Variants in ZFAND4 observed in about 807,000 individuals in gnomAD.
ZFAND4 encodes the protein AN1-type zinc finger protein 4.
Under a neutral mutation model 64.4 loss-of-function variants are expected in ZFAND4, and 43 were observed. The ratio of observed to expected loss-of-function variants is 0.67; its 90% CI spans 0.52 to 0.86. The LOEUF is 0.86. ZFAND4 is among the 40% of genes least tolerant of loss of function. ZFAND4 has a pLI of 0.00. For synonymous variants in ZFAND4, 296 were observed against 305.7 expected (o/e 0.97, Z 0.33); for missense variants, 929 against 859.8 (o/e 1.08, Z -1.01).
chr10:45,638,161 G>A (rs1233625715), intron 6 of ZFAND4, among the ~76,000 whole-genome samples: 1 of 152,014 alleles, frequency 6.6e-6, no homozygotes, highest in African/African-American at 2.4e-5. Context: ...CTCTCACGTT[G>A]CTGGGAAGAA....
rs1044445971 is a variant in ZFAND4 at position 45,651,839 on chromosome 10, A to G, written c.328+127T>C. 9 of 816,778 alleles carry G rather than the reference A, an allele frequency of 1.1e-5. 1 individual carries two copies. In the Admixed American group the frequency reaches 2.1e-4, roughly 19 times the overall value. The allele number at this position is 816,778 out of a possible 1,614,324, so 50.6% of individuals were successfully genotyped here. A position where few individuals can be genotyped will look rare whatever the true frequency, so the allele number is the denominator to read the frequency against. Reference sequence around the variant, plus strand: ...AGGTTTTAAAGAACAATGCCTAGAGAATCAAATGTGATTTTTCTAAGACCT... The same window carrying G: ...AGGTTTTAAAGAACAATGCCTAGAGGATCAAATGTGATTTTTCTAAGACCT... On this transcript the variant is annotated intron_variant, in intron 4 of 9. Coordinates refer to ENST00000344646, the MANE Select transcript of ZFAND4 (RefSeq NM_174890.4).
Position 45,616,036 on chromosome 10 carries a change from A to G in ZFAND4, c.*400T>C, listed in dbSNP as rs191716996. 6.5e-6 allele frequency: 1 copy of G among 154,852 alleles called. No individual in the cohort carries two copies. The highest frequency in any genetic ancestry group is 1.9e-4 in the East Asian group (1 of 5,270). 9.6% of individuals were successfully genotyped at this position (154,852 alleles called of 1,614,324 possible). A position where few individuals can be genotyped will look rare whatever the true frequency, so the allele number is the denominator to read the frequency against. ...TAAAAGAAAGAAAAAGAAAAAACCC[A>G]TATGGTCAATCTGAGTAGAGCCATT... On this transcript the variant is annotated 3_prime_UTR_variant, in exon 10 of 10. Coordinates refer to ENST00000344646, the MANE Select transcript of ZFAND4 (RefSeq NM_174890.4).
At chr10:45,635,217 A>AAAAAAAAAAAAAAAAAAAAAAAAAG (rs2046502295) in intron 6 of ZFAND4, among the ~76,000 whole-genome samples, 1 of 140,636 alleles carries the variant, frequency 7.1e-6, no homozygotes, top group Non-Finnish European at 1.5e-5. Context: ...AAAAAAACAA[A>AAAAAAAAAAAAAAAAAAAAAAAAAG]AAAAAAACAA....
chr10:45,658,602 A>C (rs1349975050), intron 2 of ZFAND4, among the ~76,000 whole-genome samples: 1 of 152,248 alleles, frequency 6.6e-6, no homozygotes, highest in African/African-American at 2.4e-5. Flanking sequence ...GCAAATTAAG[A>C]ATGTGTATAA....
Position 45,633,745 on chromosome 10 carries a change from C to T in ZFAND4, c.717+6071G>A, listed in dbSNP as rs1333912971. Among the ~76,000 whole-genome samples, 5 of 151,882 alleles carry T rather than the reference C, an allele frequency of 3.3e-5. No homozygotes were observed. In the East Asian group the frequency reaches 5.8e-4, roughly 18 times the overall value. ...AGAATAAATCATCTGTGTAGTATTC[C>T]TACCAAAAATGTTCAAATTCCATCT... On this transcript the variant is annotated intron_variant, in intron 6 of 9. Transcript: ENST00000344646.
At chr10:45,660,602 A>G (rs2048407024) in intron 2 of ZFAND4, among the ~76,000 whole-genome samples, 1 of 152,178 alleles carries the variant, frequency 6.6e-6, no homozygotes, top group African/African-American at 2.4e-5. Flanking sequence ...AAGAATCTAC[A>G]CCTTCAACAT....
rs567507614 is a variant in ZFAND4 at position 45,657,810 on chromosome 10, A to G, written c.185-4751T>C. ...ATGATAAGTCTCAAACATATTATGC[A>G]TAAGTGAAAAAAACCAGACTTAAGA... is the stretch of plus-strand genomic sequence containing the variant. On this transcript the variant is annotated intron_variant, in intron 2 of 9. Coordinates refer to ENST00000344646, the MANE Select transcript of ZFAND4 (RefSeq NM_174890.4). Among the ~76,000 whole-genome samples the G allele has an allele frequency of 9.8e-5, 15 of 152,346 alleles. No individual in the cohort carries two copies. The South Asian group carries it at 2.9e-3, about 29-fold the overall frequency.
intron 9 of ZFAND4, chr10:45,617,760 A>C (rs1460054660): frequency 6.6e-6 from 1 of 152,222 alleles, no homozygotes; most frequent in Non-Finnish European, 1.5e-5. Context: ...ACTTTTTTGG[A>C]AATATATTAT....
At chr10:45,658,921 T>C (rs919712555) in intron 2 of ZFAND4, among the ~76,000 whole-genome samples, 1 of 152,206 alleles carries the variant, frequency 6.6e-6, no homozygotes. Flanking sequence ...CCAACAACTT[T>C]TCTTTGTGCC....
At chr10:45,627,491 T>TA (rs745597336) in intron 6 of ZFAND4, among the ~76,000 whole-genome samples, 5,400 of 129,296 alleles carry the variant, frequency 0.042, 270 homozygotes, top group African/African-American at 0.12. Flanking sequence ...TTATCAATCC[T>TA]AAAAAAAAAA....
intron 7 of ZFAND4, among the ~76,000 whole-genome samples, chr10:45,625,022 T>C (rs1410291419): frequency 3.3e-5 from 5 of 150,116 alleles, no homozygotes; most frequent in East Asian, 4.0e-4. Flanking sequence ...ACAAAGAATA[T>C]AAAAGTTAGC....
At chr10:45,637,713 G>A (rs567893879) in intron 6 of ZFAND4, among the ~76,000 whole-genome samples, 11 of 152,084 alleles carry the variant, frequency 7.2e-5, no homozygotes, top group South Asian at 4.1e-4. Flanking sequence ...TCACACCACT[G>A]CACTCCAGCC....
At chr10:45,670,576 G>A (rs527518604) in intron 1 of ZFAND4, among the ~76,000 whole-genome samples, 13 of 152,278 alleles carry the variant, frequency 8.5e-5, no homozygotes, top group South Asian at 4.1e-4. Flanking sequence ...AAAACAAGAC[G>A]TAGGGAAATG....
intron 5 of ZFAND4, among the ~76,000 whole-genome samples, chr10:45,647,749 A>G (rs1445027551): frequency 6.6e-6 from 1 of 152,176 alleles, no homozygotes; most frequent in Non-Finnish European, 1.5e-5. Context: ...AAGTTCAGTG[A>G]GTGAATGCTT....
intron 6 of ZFAND4, among the ~76,000 whole-genome samples, chr10:45,627,896 G>C (rs2045946705): frequency 6.6e-6 from 1 of 152,214 alleles, no homozygotes; most frequent in Non-Finnish European, 1.5e-5. Context: ...GTTTCCTCCA[G>C]ACGTGGCTCT....
At chr10:45,670,138 T>C (rs1331147809) in intron 1 of ZFAND4, among the ~76,000 whole-genome samples, 2 of 151,970 alleles carry the variant, frequency 1.3e-5, no homozygotes, top group East Asian at 3.8e-4. Flanking sequence ...AACCCCATCG[T>C]CCCAACCCAA....
intron 5 of ZFAND4, among the ~76,000 whole-genome samples, chr10:45,642,532 G>A (rs1190993700): frequency 6.0e-5 from 9 of 150,142 alleles, no homozygotes; most frequent in East Asian, 2.0e-4. Flanking sequence ...GCGTGAACCC[G>A]GGAGGCAGAG....
intron 2 of ZFAND4, among the ~76,000 whole-genome samples, chr10:45,658,808 G>A (rs545377999): frequency 2.0e-5 from 3 of 152,202 alleles, no homozygotes; most frequent in South Asian, 4.1e-4. Context: ...TAAAATAAAC[G>A]GTTATGTTTT....
chr10:45,660,217 G>A (rs1171652587), intron 2 of ZFAND4, among the ~76,000 whole-genome samples: 1 of 151,560 alleles, frequency 6.6e-6, no homozygotes, highest in East Asian at 1.9e-4. Flanking sequence ...AAGGCACAGT[G>A]GTATGCACTT....
Sources: allele counts gnomAD v4.1 joint callset (sites outside exome capture counted in the v4.1 genomes callset), GRCh38; gene constraint gnomAD v4.1.1; transcripts MANE v1.5; gene names NCBI Gene and HGNC (gene_info 2026-07-23, HGNC 2026-07-21).